The following WAPL variants were observed in gnomAD, a reference collection of about 807,000 sequenced individuals.
WAPL encodes wings apart-like protein homolog.
Under a neutral mutation model 121.0 loss-of-function variants are expected in WAPL, and 5 were observed. The observed-to-expected ratio is 0.04, with a 90% CI of 0.02 to 0.09. The LOEUF (loss-of-function observed/expected upper bound fraction) is 0.09, where lower values mean the gene tolerates loss of function less well. Among genes scored for constraint, WAPL ranks in the 10% least tolerant of loss-of-function variants. The pLI is 1.00. For synonymous variants in WAPL, 480 were observed against 481.5 expected, an observed-to-expected ratio of 1.00 and a Z score of 0.04; for missense variants, 999 against 1,410.8, an observed-to-expected ratio of 0.71 and a Z score of 4.68.
At chr10:86,439,734 G>C (rs1272627932) in intron 17 of WAPL, among the ~76,000 whole-genome samples, 1 of 152,196 alleles carries the variant, frequency 6.6e-6, no homozygotes, top group South Asian at 2.1e-4. Context: ...GGAGCTACGT[G>C]ATCAGTAAGT....
chr10:86,477,676 C>A (rs1454508568), intron 4 of WAPL, among the ~76,000 whole-genome samples: 1 of 152,082 alleles, frequency 6.6e-6, no homozygotes, highest in Non-Finnish European at 1.5e-5. Flanking sequence ...GTGGCAGGCA[C>A]TGTAGTCCCA....
Position 86,473,860 on chromosome 10 carries a change from T to C in WAPL, c.1740+18A>G. ...AGCTTATTAAAAAACACAAAATAAATAAGTACAGTTCACTTACTGTGACAC... is the reference window on the plus strand; with the variant it reads ...AGCTTATTAAAAAACACAAAATAAACAAGTACAGTTCACTTACTGTGACAC... On this transcript the variant is annotated intron_variant, in intron 5 of 18. Transcript: ENST00000298767. The C allele has an allele frequency of 6.4e-7, 1 of 1,572,760 alleles. No individual in the cohort carries two copies. The highest frequency in any genetic ancestry group is 8.7e-7 in the Non-Finnish European group (1 of 1,143,844).
chr10:86,469,291 C>T (rs1194925708), intron 8 of WAPL, among the ~76,000 whole-genome samples: 20 of 594 alleles, frequency 0.034, no homozygotes, highest in East Asian at 0.5. Flanking sequence ...CTCGCTCTGT[C>T]GCCCAGGCTG....
At chr10:86,511,962 T>A (rs984821623) in intron 2 of WAPL, among the ~76,000 whole-genome samples, 2 of 152,164 alleles carry the variant, frequency 1.3e-5, no homozygotes, top group African/African-American at 4.8e-5. Flanking sequence ...ATAGGTCTTA[T>A]CCACTTCTCT....
In WAPL at chr10:86,451,942, G is replaced by GTT. The variant is rs768574596; in HGVS notation, c.3114+23_3114+24dup. 7.5e-6 allele frequency: 12 copies of GTT among 1,607,540 alleles called. No homozygotes were observed. The East Asian group carries it at 9.0e-5, about 12-fold the overall frequency. Reference sequence around the variant, plus strand: ...CAAATCCAACAAACTGCAGTTATGAGTTTGTTTTTAAAGTGGTTGCTTACC... The same window carrying GTT: ...CAAATCCAACAAACTGCAGTTATGAGTTTTTGTTTTTAAAGTGGTTGCTTACC... On this transcript the variant is annotated intron_variant, in intron 15 of 18. Transcript: ENST00000298767.
intron 4 of WAPL, 123 bp from the exon 5 acceptor site, chr10:86,474,096 G>C (rs1269668107): frequency 4.1e-6 from 3 of 733,126 alleles, no homozygotes; most frequent in Non-Finnish European, 6.9e-6. Flanking sequence ...TACTATCTGG[G>C]AACAGTCCCA....
In WAPL at chr10:86,452,045, A is replaced by C. The variant is rs375752706; in HGVS notation, c.3036T>G (p.Asp1012Glu). The C allele has an allele frequency of 1.9e-5, 30 of 1,614,102 alleles. No individual in the cohort carries two copies. The highest frequency in any genetic ancestry group is 2.5e-5 in the Non-Finnish European group (30 of 1,180,052). ...LVNMETSCSF[D>E]SSICSGEGDD... ...CCCCTTCTCCACTACAGATGGAAGA[A>C]TCAAAAGAGCACGATGTTTCCATGT... is the stretch of plus-strand genomic sequence containing the variant. The change falls in exon 15 of 19, where the codon GAT becomes GAG. Residue 1012 changes from aspartate (D) to glutamate (E), a missense_variant. Asp to Glu is a conservative substitution (Grantham distance 45, BLOSUM62 2). This residue lies in a region of WAPL where 126 missense variants were observed against 144.0 expected (regional missense o/e 0.87). Coordinates refer to ENST00000298767, the MANE Select transcript of WAPL (RefSeq NM_015045.5).
chr10:86,461,008 C>T (rs985476491), intron 10 of WAPL, among the ~76,000 whole-genome samples, 168 bp downstream of exon 10: 6 of 152,106 alleles, frequency 3.9e-5, no homozygotes, highest in South Asian at 2.1e-4. Context: ...CCACCGTGCC[C>T]GGCCGGCCTC....
chr10:86,501,602 A>G (rs887099259), intron 2 of WAPL, among the ~76,000 whole-genome samples: 6 of 152,226 alleles, frequency 3.9e-5, no homozygotes, highest in Non-Finnish European at 4.4e-5. Context: ...TACAAATCTC[A>G]ATTAGCATCA....
At chr10:86,502,758 G>A (rs1842269842) in intron 2 of WAPL, among the ~76,000 whole-genome samples, 1 of 151,842 alleles carries the variant, frequency 6.6e-6, no homozygotes, top group Non-Finnish European at 1.5e-5. Flanking sequence ...AGGCCCAGAG[G>A]GGCTAATGAC....
chr10:86,463,765 C>T (rs1160658469), intron 9 of WAPL, among the ~76,000 whole-genome samples: 1 of 152,144 alleles, frequency 6.6e-6, no homozygotes, highest in African/African-American at 2.4e-5. Context: ...TGGTAAGTGT[C>T]CATATGGGTG....
At chr10:86,515,297 G>GAAC (rs1473563875) in intron 2 of WAPL, among the ~76,000 whole-genome samples, 1 of 151,324 alleles carries the variant, frequency 6.6e-6, no homozygotes, top group Admixed American at 6.6e-5. Context: ...ATGTCAGTTG[G>GAAC]AACAACAAAC....
At chr10:86,479,390 T>TG (rs1841730905) in intron 4 of WAPL, among the ~76,000 whole-genome samples, 1 of 152,080 alleles carries the variant, frequency 6.6e-6, no homozygotes, top group African/African-American at 2.4e-5. Flanking sequence ...CCCGAGTAGC[T>TG]GGGATTACAA....
At chr10:86,440,131 G>C (rs1218736871) in intron 17 of WAPL, among the ~76,000 whole-genome samples, 1 of 152,018 alleles carries the variant, frequency 6.6e-6, no homozygotes, top group African/African-American at 2.4e-5. Context: ...ACACAAATAG[G>C]AATTAGCATG....
chr10:86,462,759 G>C (rs185738500), intron 9 of WAPL, among the ~76,000 whole-genome samples: 15 of 149,794 alleles, frequency 1.0e-4, no homozygotes, highest in Admixed American at 8.6e-4. Flanking sequence ...TCTCCAAGGT[G>C]ACAAATATAG....
chr10:86,508,415 TC>T (rs1368830978), intron 2 of WAPL, among the ~76,000 whole-genome samples: 1 of 152,108 alleles, frequency 6.6e-6, no homozygotes, highest in East Asian at 1.9e-4. Context: ...GCGCTTTGGA[TC>T]CCACGCATTA....
At chr10:86,439,613 A>T (rs117404752) in intron 17 of WAPL, among the ~76,000 whole-genome samples, 1 of 152,222 alleles carries the variant, frequency 6.6e-6, no homozygotes, top group Non-Finnish European at 1.5e-5. Flanking sequence ...AAAAATTTTA[A>T]AAGTGTCCAG....
intron 4 of WAPL, among the ~76,000 whole-genome samples, chr10:86,481,382 T>C (rs978006085): frequency 6.6e-6 from 1 of 151,336 alleles, no homozygotes; most frequent in African/African-American, 2.4e-5. Context: ...AAAAAAAAAA[T>C]TTTTTTTTGA....
Position 86,472,553 on chromosome 10 carries a change from C to T in WAPL, c.1893+59G>A. 6.3e-7 allele frequency: 1 copy of T among 1,584,360 alleles called. No individual in the cohort carries two copies. Among genetic ancestry groups the T allele is most frequent in the East Asian group, 2.2e-5 (1 of 44,522 alleles). Reference sequence around the variant, plus strand: ...GATATTTGTTGAAGATATTAAATGGCTAAATGTTACATACAAAAATCTATC... The same window carrying T: ...GATATTTGTTGAAGATATTAAATGGTTAAATGTTACATACAAAAATCTATC... On this transcript the variant is annotated intron_variant, in intron 6 of 18. Transcript: ENST00000298767. The surrounding 1 kb of genome is among the most constrained non-coding windows in gnomAD (Gnocchi z 4.2).
Sources: allele counts gnomAD v4.1 joint callset (sites outside exome capture counted in the v4.1 genomes callset), GRCh38; gene constraint gnomAD v4.1.1; regional missense constraint gnomAD v4.1.1; non-coding constraint Gnocchi (gnomAD v3.1); transcripts MANE v1.5; gene names NCBI Gene and HGNC (gene_info 2026-07-23, HGNC 2026-07-21).